The following OR4D1 variants were observed in gnomAD, a reference collection of about 807,000 sequenced individuals.
OR4D1 encodes the protein olfactory receptor family 4 subfamily D member 1.
OR4D1 carries 10 observed loss-of-function variants against 14.2 expected under a neutral mutation model. The observed-to-expected ratio is 0.71, with a 90% CI of 0.44 to 1.20. OR4D1 has a LOEUF of 1.20. OR4D1 is among the 50% of genes most tolerant of loss of function. The probability of loss-of-function intolerance (pLI) is 0.00; values close to 1 mark genes in which losing one functional copy is unlikely to be tolerated. For missense variants in OR4D1, 345 were observed against 376.6 expected (o/e 0.92, Z 0.70); for synonymous variants, 141 against 147.4 (o/e 0.96, Z 0.32).
chr17:58,151,642 G>T (rs16969075), intron 2 of OR4D1, among the ~76,000 whole-genome samples: 32,665 of 152,040 alleles, frequency 0.21, 3,603 homozygotes, highest in African/African-American at 0.26. Context: ...CCTTATAAGA[G>T]CATCAGTGCA....
chr17:58,148,901 TCTC>T (rs1321287501), intron 1 of OR4D1, among the ~76,000 whole-genome samples: 5 of 152,154 alleles, frequency 3.3e-5, no homozygotes, highest in Non-Finnish European at 7.4e-5. Flanking sequence ...TCTTCCCCCT[TCTC>T]CTGCCTGCTT....
chr17:58,149,229 C>A (rs1237569607), intron 1 of OR4D1, among the ~76,000 whole-genome samples, 200 bp from the exon 2 acceptor site: 1 of 152,174 alleles, frequency 6.6e-6, no homozygotes, highest in East Asian at 1.9e-4. Flanking sequence ...TCTAGAATCC[C>A]TCTAAATCTA....
intron 3 of OR4D1, 138 bp from the exon 4 acceptor site, chr17:58,154,997 G>A (rs550069139): frequency 7.4e-5 from 47 of 632,818 alleles, no homozygotes; most frequent in South Asian, 3.5e-4. Context: ...CTTCCTCCCC[G>A]TGGAGGGCTT....
rs2143665883 is a variant in OR4D1, at chr17:58,158,374, A to G, written c.*2288A>G. ...TTTCAAAGTGAAGGGGACACATCAC[A>G]TTTCTGCATTTTACTTGCATTAAAA... On this transcript the variant is annotated 3_prime_UTR_variant, in exon 4 of 4. Coordinates refer to ENST00000268912, the MANE Select transcript of OR4D1 (RefSeq NM_001386095.1). The G allele has an allele frequency of 6.6e-6, 1 of 151,688 alleles. No individual in the cohort carries two copies. The highest frequency in any genetic ancestry group is 1.9e-4 in the East Asian group (1 of 5,152). The allele number at this position is 151,688 out of a possible 1,614,324, so 9.4% of individuals were successfully genotyped here.
At chr17:58,154,858 A>G (rs1967743751) in intron 3 of OR4D1, among the ~76,000 whole-genome samples, 1 of 152,236 alleles carries the variant, frequency 6.6e-6, no homozygotes, top group African/African-American at 2.4e-5. Context: ...CAGGTATGAA[A>G]AAGAATCAGA....
rs779936595 is a variant in OR4D1, at chr17:58,149,521, G to C, written c.-402G>C. ...ACCAACTATGAGAAAGGGTCTGTGT[G>C]TACCACGTACTGTGTAATACTTAAC... is the stretch of plus-strand genomic sequence containing the variant. On this transcript the variant is annotated 5_prime_UTR_variant, in exon 2 of 4. Coordinates refer to ENST00000268912, the MANE Select transcript of OR4D1 (RefSeq NM_001386095.1). 1 of 150,684 alleles carries C rather than the reference G, an allele frequency of 6.6e-6. No homozygotes were observed. Among genetic ancestry groups the C allele is most frequent in the Non-Finnish European group, 1.5e-5 (1 of 68,078 alleles). The allele number at this position is 150,684 out of a possible 1,614,324, so 9.3% of individuals were successfully genotyped here. A position where few individuals can be genotyped will look rare whatever the true frequency, so the allele number is the denominator to read the frequency against.
At position 58,157,477 on chromosome 17, in the gene OR4D1, CA is replaced by C; in HGVS notation, c.*1393del. The stretch of plus-strand genomic sequence containing the variant: ...CGTCCCAGCTCCTCGCTCTGGAGGG[CA>C]AGTTGCTCCAGAAACAGTACCTCTC... On this transcript the variant is annotated 3_prime_UTR_variant, in exon 4 of 4. Transcript: ENST00000268912. The C allele has an allele frequency of 8.9e-7, 1 of 1,119,606 alleles. No individual in the cohort carries two copies. The allele number at this position is 1,119,606 out of a possible 1,614,324, so 69.4% of individuals were successfully genotyped here.
At chr17:58,154,851 G>T (rs966050662) in intron 3 of OR4D1, among the ~76,000 whole-genome samples, 3 of 152,172 alleles carry the variant, frequency 2.0e-5, no homozygotes, top group Admixed American at 1.3e-4. Context: ...GGCATAGCAG[G>T]TATGAAAAAG....
Position 58,155,139 on chromosome 17 carries a change from G to C in OR4D1, c.-15G>C, listed in dbSNP as rs368974419. 2 of 1,579,376 alleles carry C rather than the reference G, an allele frequency of 1.3e-6. No individual in the cohort carries two copies. The highest frequency in any genetic ancestry group is 1.7e-6 in the Non-Finnish European group (2 of 1,155,960). The stretch of plus-strand genomic sequence containing the variant: ...GTTTCAATGGTTTCTCTGTAGGAAC[G>C]TGGGGGAAGATCCTATGGAACCACA... On this transcript the variant is annotated 5_prime_UTR_variant, in exon 4 of 4. Coordinates refer to ENST00000268912, the MANE Select transcript of OR4D1 (RefSeq NM_001386095.1).
At chr17:58,152,291 A>G (rs1468494988) in intron 2 of OR4D1, among the ~76,000 whole-genome samples, 1 of 152,246 alleles carries the variant, frequency 6.6e-6, no homozygotes, top group Non-Finnish European at 1.5e-5. Flanking sequence ...CGCATGAGCC[A>G]CTGCACGCAG....
chr17:58,155,037 A>G (rs551795689), intron 3 of OR4D1, 98 bp from the exon 4 acceptor site: 35 of 810,400 alleles, frequency 4.3e-5, no homozygotes, highest in East Asian at 2.2e-4. Context: ...TTGACACTCA[A>G]CAACTCAACT....
chr17:58,157,684 G>T lies in OR4D1; in HGVS notation c.*1598G>T, dbSNP rs1597953301. On this transcript the variant is annotated 3_prime_UTR_variant, in exon 4 of 4. Coordinates refer to ENST00000268912, the MANE Select transcript of OR4D1 (RefSeq NM_001386095.1). ...TCAGTCTCCCTTTCCCCATCAGCTCGCCCCTGCAGGCAGCGTCCATATACG... is the reference window on the plus strand; with the variant it reads ...TCAGTCTCCCTTTCCCCATCAGCTCTCCCCTGCAGGCAGCGTCCATATACG... The T allele has an allele frequency of 1.1e-5, 18 of 1,613,766 alleles. No homozygotes were observed. The East Asian group carries it at 4.0e-4, about 36-fold the overall frequency.
Position 58,157,704 on chromosome 17 carries a change from T to C in OR4D1, c.*1618T>C. 6.2e-7 allele frequency: 1 copy of C among 1,613,894 alleles called. No individual in the cohort carries two copies. Among genetic ancestry groups the C allele is most frequent in the Non-Finnish European group, 8.5e-7 (1 of 1,179,818 alleles). ...AGCTCGCCCCTGCAGGCAGCGTCCA[T>C]ATACGCAGCATCCTACCCGTTCCAT... On this transcript the variant is annotated 3_prime_UTR_variant, in exon 4 of 4. Coordinates refer to ENST00000268912, the MANE Select transcript of OR4D1 (RefSeq NM_001386095.1).
At chr17:58,149,209 T>G (rs1357961134) in intron 1 of OR4D1, among the ~76,000 whole-genome samples, 1 of 152,208 alleles carries the variant, frequency 6.6e-6, no homozygotes, top group Non-Finnish European at 1.5e-5. Flanking sequence ...TATGTCTATT[T>G]TCTTTCTTGT....
chr17:58,157,257 C>T lies in OR4D1; in HGVS notation c.*1171C>T, dbSNP rs1967788587. On this transcript the variant is annotated 3_prime_UTR_variant, in exon 4 of 4. Transcript: ENST00000268912. ...ACTGCTGCTGCCGGGGCACGGCGCT[C>T]GGGAAGCGCACAGCCCCGGGCCGCT... 2.7e-6 allele frequency: 4 copies of T among 1,470,230 alleles called. No homozygotes were observed. Among genetic ancestry groups the T allele is most frequent in the Non-Finnish European group, 3.6e-6 (4 of 1,113,156 alleles). The allele number at this position is 1,470,230 out of a possible 1,614,324, so 91.1% of individuals were successfully genotyped here. A position where few individuals can be genotyped will look rare whatever the true frequency, so the allele number is the denominator to read the frequency against.
chr17:58,153,506 G>A (rs981296622), intron 2 of OR4D1, among the ~76,000 whole-genome samples: 6 of 152,198 alleles, frequency 3.9e-5, no homozygotes, highest in South Asian at 2.1e-4. Flanking sequence ...TCCCTCATAA[G>A]TTTTGAGATA....
chr17:58,154,060 A>C (rs548072565), intron 3 of OR4D1, among the ~76,000 whole-genome samples, 97 bp downstream of exon 3: 1 of 152,254 alleles, frequency 6.6e-6, no homozygotes, highest in South Asian at 2.1e-4. Context: ...GCCTCAAGTG[A>C]TCCTCCCACC....
chr17:58,156,220 C>A lies in OR4D1; in HGVS notation c.*134C>A. On this transcript the variant is annotated 3_prime_UTR_variant, in exon 4 of 4. Transcript: ENST00000268912. ...ATTTCTTGAGGACCTAGTGCTGTGT[C>A]AAGTACTGTGTTAAGCACTTCCACG... The A allele has an allele frequency of 6.2e-6, 4 of 647,654 alleles. No individual in the cohort carries two copies. Among genetic ancestry groups the A allele is most frequent in the Non-Finnish European group, 1.0e-5 (4 of 382,280 alleles). The allele number at this position is 647,654 out of a possible 1,614,324, so 40.1% of individuals were successfully genotyped here.
chr17:58,151,011 T>A (rs964808811), intron 2 of OR4D1, among the ~76,000 whole-genome samples: 7 of 152,160 alleles, frequency 4.6e-5, no homozygotes, highest in Non-Finnish European at 8.8e-5. Flanking sequence ...ATAAAAAAAA[T>A]TTTGTAAAGA....
Sources: gnomAD v4.1 joint callset for allele counts (sites outside exome capture counted in the v4.1 genomes callset) on GRCh38, gnomAD v4.1.1 for gene constraint, MANE v1.5 for transcripts, NCBI Gene and HGNC (gene_info 2026-07-23, HGNC 2026-07-21) for gene names.